Variants in ZBTB20 observed in about 807,000 individuals in gnomAD.
ZBTB20 encodes zinc finger and BTB domain containing 20.
In ZBTB20, 9 loss-of-function variants were observed where a neutral mutation model predicts 56.9. The observed-to-expected ratio is 0.16, with a 90% CI of 0.10 to 0.28. The LOEUF is 0.28. ZBTB20 is among the 10% of genes least tolerant of loss of function. The pLI is 1.00. For missense variants in ZBTB20, 655 were observed against 1,003.0 expected (o/e 0.65, Z 4.69); for synonymous variants, 417 against 420.7 (o/e 0.99, Z 0.11).
chr3:115,084,048 A>C (rs1373628001), intron 1 of ZBTB20, among the ~76,000 whole-genome samples: 1 of 151,914 alleles, frequency 6.6e-6, no homozygotes. Context: ...TAAAGTGTTA[A>C]AAGTTTTTTT....
intron 7 of ZBTB20, among the ~76,000 whole-genome samples, chr3:114,407,587 T>C (rs1042879143): frequency 6.6e-6 from 1 of 152,160 alleles, no homozygotes; most frequent in South Asian, 2.1e-4. Flanking sequence ...GACTTCATCA[T>C]AGTGATGGAG....
intron 6 of ZBTB20, among the ~76,000 whole-genome samples, chr3:114,503,942 C>T (rs1309405903): frequency 6.6e-6 from 1 of 152,066 alleles, no homozygotes; most frequent in Non-Finnish European, 1.5e-5. Context: ...CTCCAGAAAA[C>T]TCCTCAAAAA....
At chr3:114,351,918 C>A in intron 10 of ZBTB20, 40 bp from the exon 11 acceptor site, 1 of 1,561,272 alleles carries the variant, frequency 6.4e-7, no homozygotes, top group South Asian at 1.2e-5. Flanking sequence ...GGGCATGGGT[C>A]AGATCTAGCT....
chr3:114,778,497 C>T (rs1029013363), intron 5 of ZBTB20, among the ~76,000 whole-genome samples: 6 of 151,918 alleles, frequency 3.9e-5, no homozygotes, highest in Admixed American at 2.6e-4. Flanking sequence ...TAATAAAGAA[C>T]TAAAAATACA....
intron 4 of ZBTB20, among the ~76,000 whole-genome samples, chr3:114,858,103 T>C (rs553920231): frequency 6.6e-6 from 1 of 152,350 alleles, no homozygotes; most frequent in Non-Finnish European, 1.5e-5. Flanking sequence ...TCTTCATTCA[T>C]AAAACAAGCT....
rs1160262952 is a variant in ZBTB20 at position 115,025,916 on chromosome 3, T to C, written c.-507+45303A>G. Among the ~76,000 whole-genome samples the C allele has an allele frequency of 9.4e-5, 14 of 149,400 alleles. No individual in the cohort carries two copies. In the East Asian group the frequency reaches 2.5e-3, roughly 27 times the overall value. Reference sequence around the variant, plus strand: ...ACTAAAATACTAAATATATAAAATATTTAAAAATACTAAATATACTAAAAT... The same window carrying C: ...ACTAAAATACTAAATATATAAAATACTTAAAAATACTAAATATACTAAAAT... On this transcript the variant is annotated intron_variant, in intron 2 of 11. Transcript: ENST00000675478.
At chr3:114,655,444 G>A (rs2060354419) in intron 6 of ZBTB20, among the ~76,000 whole-genome samples, 1 of 150,034 alleles carries the variant, frequency 6.7e-6, no homozygotes, top group South Asian at 2.1e-4. Flanking sequence ...AGTAGAGACG[G>A]GGTTTCACCT....
intron 1 of ZBTB20, among the ~76,000 whole-genome samples, chr3:115,098,001 A>T (rs2083441198): frequency 6.6e-6 from 1 of 152,252 alleles, no homozygotes; most frequent in South Asian, 2.1e-4. Context: ...AAATTAAACC[A>T]AACATAAAAA....
chr3:114,511,962 C>A (rs565882403), intron 6 of ZBTB20, among the ~76,000 whole-genome samples: 2 of 152,118 alleles, frequency 1.3e-5, no homozygotes, highest in Non-Finnish European at 2.9e-5. Context: ...AGTGTCTCAT[C>A]TGGTAATTCT....
intron 7 of ZBTB20, among the ~76,000 whole-genome samples, chr3:114,442,996 G>A (rs2091029225): frequency 6.6e-6 from 1 of 152,090 alleles, no homozygotes; most frequent in Non-Finnish European, 1.5e-5. Context: ...CCATATTCAA[G>A]CTAGATAAAA....
chr3:114,376,778 C>T (rs1024487946), intron 10 of ZBTB20, among the ~76,000 whole-genome samples: 14 of 152,086 alleles, frequency 9.2e-5, no homozygotes, highest in South Asian at 2.1e-4. Context: ...CTGATGAGGC[C>T]GGTATAAAAC....
In ZBTB20 at chr3:115,121,984, T is replaced by A. The variant is rs113974548; in HGVS notation, c.-703+25235A>T. Among the ~76,000 whole-genome samples, 866 of 152,180 alleles carry A rather than the reference T, an allele frequency of 5.7e-3. 12 individuals carry two copies. The highest frequency in any genetic ancestry group is 0.019 in the African/African-American group (796 of 41,568). Reference sequence around the variant, plus strand: ...TTTGGTCAAGTTCAGTGGTCTTTTTTAAGTAATATTAATAAAATTACATAT... The same window carrying A: ...TTTGGTCAAGTTCAGTGGTCTTTTTAAAGTAATATTAATAAAATTACATAT... On this transcript the variant is annotated intron_variant, in intron 1 of 11. Coordinates refer to ENST00000675478, the MANE Select transcript of ZBTB20 (RefSeq NM_001348800.3).
intron 5 of ZBTB20, among the ~76,000 whole-genome samples, chr3:114,738,035 A>C (rs537862328): frequency 2.0e-5 from 3 of 152,234 alleles, no homozygotes; most frequent in African/African-American, 7.2e-5. Flanking sequence ...AACAATATGC[A>C]AGAGTATGAT....
chr3:114,461,297 C>A (rs2092318197), intron 7 of ZBTB20, among the ~76,000 whole-genome samples: 1 of 118,478 alleles, frequency 8.4e-6, no homozygotes, highest in African/African-American at 3.0e-5. Flanking sequence ...ACAATCTCCT[C>A]CCCCCCCCCT....
chr3:115,080,005 C>A (rs2082739563), intron 1 of ZBTB20, among the ~76,000 whole-genome samples: 1 of 152,140 alleles, frequency 6.6e-6, no homozygotes, highest in African/African-American at 2.4e-5. Flanking sequence ...GAAAATAGCT[C>A]AGTGTTACAA....
intron 4 of ZBTB20, among the ~76,000 whole-genome samples, chr3:114,839,406 T>TGAAAGAAA (rs748321783): frequency 0.24 from 17,216 of 72,580 alleles, 2,633 homozygotes; most frequent in Non-Finnish European, 0.25. Context: ...AGAGCCTGTC[T>TGAAAGAAA]GAAAGAAAGA....
intron 6 of ZBTB20, among the ~76,000 whole-genome samples, chr3:114,676,021 C>G (rs1018370988): frequency 5.3e-5 from 8 of 151,952 alleles, no homozygotes; most frequent in African/African-American, 1.7e-4. Context: ...AATAGAGGCA[C>G]AGAGAGATCA....
At chr3:114,764,692 A>T (rs538818118) in intron 5 of ZBTB20, among the ~76,000 whole-genome samples, 1 of 152,352 alleles carries the variant, frequency 6.6e-6, no homozygotes, top group African/African-American at 2.4e-5. Flanking sequence ...TTAGTAAACA[A>T]GATCACCAAT....
chr3:114,579,092 T>C (rs900473448), intron 6 of ZBTB20, among the ~76,000 whole-genome samples: 5 of 151,690 alleles, frequency 3.3e-5, no homozygotes, highest in Admixed American at 2.0e-4. Context: ...CTTAGAAAAA[T>C]ACACAGTTCA....
Sources: gnomAD v4.1 joint callset for allele counts (sites outside exome capture counted in the v4.1 genomes callset) on GRCh38, gnomAD v4.1.1 for gene constraint, MANE v1.5 for transcripts, NCBI Gene and HGNC (gene_info 2026-07-23, HGNC 2026-07-21) for gene names.